Variants in MARCHF2 observed in about 807,000 individuals in gnomAD.
MARCHF2 encodes the protein membrane associated ring-CH-type finger 2, also known as E3 ubiquitin-protein ligase MARCHF2.
In MARCHF2, 22 loss-of-function variants were observed where a neutral mutation model predicts 24.0. That is an observed-to-expected ratio of 0.92 (90% confidence interval 0.66 to 1.31). MARCHF2 has a LOEUF of 1.31. Among genes scored for constraint, MARCHF2 ranks in the 50% most tolerant of loss-of-function variants. MARCHF2 has a pLI of 0.00. For missense variants in MARCHF2, 301 were observed against 335.3 expected (o/e 0.90, Z 0.80); for synonymous variants, 154 against 153.0 (o/e 1.01, Z -0.05).
chr19:8,415,735 C>CAAAAAAA (rs1230223487), intron 1 of MARCHF2, among the ~76,000 whole-genome samples: 2 of 96,728 alleles, frequency 2.1e-5, no homozygotes, highest in Non-Finnish European at 4.2e-5. Context: ...AAAAAAAAAA[C>CAAAAAAA]AAAAAAAACA....
intron 1 of MARCHF2, among the ~76,000 whole-genome samples, 181 bp from the exon 2 acceptor site, chr19:8,421,608 A>G (rs1018991790): frequency 1.3e-5 from 2 of 152,132 alleles, no homozygotes; most frequent in Admixed American, 1.3e-4. Flanking sequence ...GCTGAGTTAC[A>G]TGCATCGTCT....
At chr19:8,417,911 C>T (rs534458345) in intron 1 of MARCHF2, among the ~76,000 whole-genome samples, 5 of 151,472 alleles carry the variant, frequency 3.3e-5, no homozygotes, top group African/African-American at 9.7e-5. Flanking sequence ...TACAGGCATG[C>T]GCCAACATGC....
At chr19:8,433,744 A>T (rs1967640847) in intron 4 of MARCHF2, among the ~76,000 whole-genome samples, 1 of 151,814 alleles carries the variant, frequency 6.6e-6, no homozygotes, top group Non-Finnish European at 1.5e-5. Context: ...CATGCCAGTA[A>T]TCCTAGCTAC....
At chr19:8,438,191 T>C (rs1967781414) in intron 4 of MARCHF2, among the ~76,000 whole-genome samples, 197 bp from the exon 5 acceptor site, 1 of 152,158 alleles carries the variant, frequency 6.6e-6, no homozygotes. Flanking sequence ...TGCAGGACTC[T>C]GGAAGCTGGT....
chr19:8,421,460 C>T (rs1237112543), intron 1 of MARCHF2, among the ~76,000 whole-genome samples: 36 of 145,584 alleles, frequency 2.5e-4, no homozygotes, highest in Admixed American at 2.2e-3. Flanking sequence ...ATCTCTTGAC[C>T]TCGTGATCCA....
chr19:8,434,897 G>C (rs11667875), intron 4 of MARCHF2, among the ~76,000 whole-genome samples: 2,291 of 151,896 alleles, frequency 0.015, 27 homozygotes, highest in Non-Finnish European at 0.025. Context: ...GTAGAGACGA[G>C]TTTTCACCAT....
chr19:8,431,657 T>G (rs1054586063), intron 4 of MARCHF2, among the ~76,000 whole-genome samples: 3 of 151,366 alleles, frequency 2.0e-5, no homozygotes, highest in African/African-American at 7.3e-5. Flanking sequence ...GCCAACATGG[T>G]GAAACCTTGT....
intron 1 of MARCHF2, among the ~76,000 whole-genome samples, chr19:8,420,012 G>C (rs1967189163): frequency 6.7e-6 from 1 of 149,660 alleles, no homozygotes; most frequent in Non-Finnish European, 1.5e-5. Context: ...CAAAAAATTA[G>C]CCGGGTGTGT....
intron 1 of MARCHF2, among the ~76,000 whole-genome samples, 174 bp from the exon 2 acceptor site, chr19:8,421,615 G>T (rs75282665): frequency 6.6e-6 from 1 of 151,996 alleles, no homozygotes. Context: ...TACATGCATC[G>T]TCTCCTTGAA....
chr19:8,435,828 C>CTG (rs35027764), intron 4 of MARCHF2, among the ~76,000 whole-genome samples: 19,524 of 140,868 alleles, frequency 0.14, 1,461 homozygotes, highest in East Asian at 0.27. Context: ...TGCACCTGGC[C>CTG]TGTGTGTGTG....
At chr19:8,429,596 C>T (rs1967521182) in intron 3 of MARCHF2, among the ~76,000 whole-genome samples, 1 of 151,540 alleles carries the variant, frequency 6.6e-6, no homozygotes, top group South Asian at 2.1e-4. Context: ...CCTCCACCTC[C>T]TGGGTTCAAG....
chr19:8,423,918 C>G (rs1027418663), intron 2 of MARCHF2, among the ~76,000 whole-genome samples: 5 of 149,258 alleles, frequency 3.3e-5, no homozygotes, highest in African/African-American at 1.2e-4. Context: ...AGGAGGATCG[C>G]TCGAGCTAGG....
At chr19:8,437,572 C>T (rs1967762573) in intron 4 of MARCHF2, among the ~76,000 whole-genome samples, 2 of 150,412 alleles carry the variant, frequency 1.3e-5, no homozygotes, top group African/African-American at 2.4e-5. Context: ...AGGATGGTCT[C>T]GATCTCCTGA....
At position 8,430,692 on chromosome 19, in the gene MARCHF2, G is replaced by A. The variant is rs1271803049; in HGVS notation, c.407G>A (p.Arg136Gln). 3 of 1,610,496 alleles carry A rather than the reference G, an allele frequency of 1.9e-6. No individual in the cohort carries two copies. Among genetic ancestry groups the A allele is most frequent in the East Asian group, 2.2e-5 (1 of 44,886 alleles). Residue 136 changes from arginine (R) to glutamine (Q), a missense_variant, in exon 4 of 5, where the codon CGG becomes CAG. By Grantham distance (43) the Arg-to-Gln change is conservative. Transcript: ENST00000215555. The surrounding 1 kb of genome is among the most constrained non-coding windows in gnomAD (Gnocchi z 4.4). Reference protein sequence around the residue: ...LKDPGPRTEKRTLCCDMVCFL... With the variant: ...LKDPGPRTEKQTLCCDMVCFL... ...GACCCGGGGCCGCGGACGGAGAAGC[G>A]GACACTGTGCTGCGACATGGTGTGT...
intron 3 of MARCHF2, 113 bp downstream of exon 3, chr19:8,426,917 A>C (rs1599709592): frequency 1.1e-6 from 1 of 916,270 alleles, no homozygotes; most frequent in East Asian, 2.7e-5. Flanking sequence ...AGAACTCCCT[A>C]CCGCCCCTGT....
intron 4 of MARCHF2, among the ~76,000 whole-genome samples, chr19:8,437,348 TA>T (rs67660660): frequency 0.79 from 101,880 of 129,752 alleles, 44,372 homozygotes; most frequent in East Asian, 0.96. Context: ...TTCATTCACC[TA>T]TTTTTTTTTT....
Position 8,430,856 on chromosome 19 carries a change from C to T in MARCHF2, c.571C>T (p.Leu191Phe). Residue 191 changes from leucine (L) to phenylalanine (F), a missense_variant, in exon 4 of 5, where the codon CTC becomes TTC. By Grantham distance (22) the Leu-to-Phe change is conservative. Coordinates refer to ENST00000215555, the MANE Select transcript of MARCHF2 (RefSeq NM_001005415.2). This position sits in a 1 kb window ranked among gnomAD's most constrained non-coding sequence, Gnocchi z 4.4. ...LTIALFTIYV[L>F]WTLVSFRYHC... ...CATCGCCCTCTTCACCATCTATGTC[C>T]TCTGGACGCTGGTGAGTGGCTGTGG... 2 of 1,602,266 alleles carry T rather than the reference C, an allele frequency of 1.2e-6. No homozygotes were observed. The highest frequency in any genetic ancestry group is 1.3e-5 in the African/African-American group (1 of 74,928).
intron 1 of MARCHF2, among the ~76,000 whole-genome samples, chr19:8,421,384 T>TC (rs1967236525): frequency 7.8e-6 from 1 of 127,864 alleles, no homozygotes; most frequent in African/African-American, 3.3e-5. Context: ...TTTCTTTTCT[T>TC]TTTTTTTTTT....
In MARCHF2 at chr19:8,438,771, T is replaced by C. The variant is rs1256701774; in HGVS notation, c.*225T>C. 2.0e-5 allele frequency: 10 copies of C among 512,496 alleles called. No homozygotes were observed. The highest frequency in any genetic ancestry group is 3.1e-5 in the Non-Finnish European group (9 of 289,130). The allele number at this position is 512,496 out of a possible 1,614,324, so 31.7% of individuals were successfully genotyped here. ...TTTGCATATGGAGGACAGGTGGACATGGTCCTGAGCTCTGGACGGAGCAGG... is the reference window on the plus strand; with the variant it reads ...TTTGCATATGGAGGACAGGTGGACACGGTCCTGAGCTCTGGACGGAGCAGG... On this transcript the variant is annotated 3_prime_UTR_variant, in exon 5 of 5. Transcript: ENST00000215555.
Sources: allele counts gnomAD v4.1 joint callset (sites outside exome capture counted in the v4.1 genomes callset), GRCh38; gene constraint gnomAD v4.1.1; non-coding constraint Gnocchi (gnomAD v3.1); transcripts MANE v1.5; gene names NCBI Gene and HGNC (gene_info 2026-07-23, HGNC 2026-07-21).